Variants in ZNF880 observed in about 807,000 individuals in gnomAD.
ZNF880 encodes zinc finger protein LOC400713.
Under a neutral mutation model 11.8 loss-of-function variants are expected in ZNF880, and 12 were observed. The observed-to-expected ratio is 1.02, with a 90% CI of 0.65 to 1.65. The LOEUF (loss-of-function observed/expected upper bound fraction) is 1.65. ZNF880 is among the 40% of genes most tolerant of loss of function. The probability of loss-of-function intolerance (pLI) is 0.00; values close to 1 mark genes in which losing one functional copy is unlikely to be tolerated. For missense variants in ZNF880, 601 were observed against 673.9 expected (o/e 0.89, Z 1.20); for synonymous variants, 210 against 232.4 (o/e 0.90, Z 0.88).
chr19:52,389,145 T>C (rs1169338655), downstream of ZNF880: 1 of 152,080 alleles, frequency 6.6e-6, no homozygotes, highest in Non-Finnish European at 1.5e-5. Flanking sequence ...AGCCAAACCA[T>C]ATCATTTTGC....
At chr19:52,388,030 C>T (rs867822306), downstream of ZNF880, among the ~76,000 whole-genome samples, 65 of 139,174 alleles carry the variant, frequency 4.7e-4, 7 homozygotes, top group South Asian at 2.7e-3. Context: ...CAGGCGCGCA[C>T]CACCACGCCC....
chr19:52,387,055 A>T (rs1341119779), downstream of ZNF880, among the ~76,000 whole-genome samples: 1 of 144,712 alleles, frequency 6.9e-6, no homozygotes, highest in Non-Finnish European at 1.5e-5. Flanking sequence ...ACTGCACAGT[A>T]ATGCAACATT....
chr19:52,393,981 C>T, the ZNF880 span, among the ~76,000 whole-genome samples: 4 of 151,500 alleles, frequency 2.6e-5, no homozygotes, highest in Non-Finnish European at 5.9e-5. Flanking sequence ...GGACTACAGG[C>T]ACCCGCCACC....
chr19:52,380,770 A>G (rs62108320), intron 3 of ZNF880, among the ~76,000 whole-genome samples: 54,982 of 151,968 alleles, frequency 0.36, 10,225 homozygotes, highest in South Asian at 0.51. Flanking sequence ...TGCATCTCCT[A>G]GGTTCAAGTG....
At chr19:52,378,260 T>C (rs943476923) in intron 3 of ZNF880, among the ~76,000 whole-genome samples, 1 of 152,170 alleles carries the variant, frequency 6.6e-6, no homozygotes, top group Non-Finnish European at 1.5e-5. Flanking sequence ...ATTCTTCAGT[T>C]GTGCTTTGTC....
At chr19:52,375,992 C>T (rs1305225920) in intron 3 of ZNF880, among the ~76,000 whole-genome samples, 1 of 152,162 alleles carries the variant, frequency 6.6e-6, no homozygotes, top group East Asian at 1.9e-4. Flanking sequence ...GCTGCAAATG[C>T]CATTATTTCG....
At position 52,384,059 on chromosome 19, in the gene ZNF880, A is replaced by C; in HGVS notation, c.479A>C (p.Lys160Thr). The change falls in exon 4 of 4, where the codon AAA becomes ACA. Residue 160 changes from lysine to threonine, a missense_variant. Coordinates refer to ENST00000422689, the MANE Select transcript of ZNF880 (RefSeq NM_001145434.2). ...AGTGTCAAATCCCACATTTTAAATAAATACAGAAATGATTTTGATGATTCT... is the reference window on the plus strand; with the variant it reads ...AGTGTCAAATCCCACATTTTAAATACATACAGAAATGATTTTGATGATTCT... ...YSSVKSHILN[K>T]YRNDFDDSPF... is the part of the protein sequence containing the mutation. 1 of 1,566,728 alleles carries C rather than the reference A, an allele frequency of 6.4e-7. No homozygotes were observed.
chr19:52,380,828 C>A (rs542088518), intron 3 of ZNF880, among the ~76,000 whole-genome samples: 3 of 152,078 alleles, frequency 2.0e-5, no homozygotes, highest in Admixed American at 2.0e-4. Flanking sequence ...AGGCATGTAC[C>A]ACCATGCCTG....
At position 52,380,516 on chromosome 19, in the gene ZNF880, C is replaced by CTT. The variant is rs200252881; in HGVS notation, c.269-3329_269-3328dup. ...ATTCAATAATAATATTAAATGAAAT[C>CTT]TTTTTATTTGTATGAGTTACATATA... On this transcript the variant is annotated intron_variant, in intron 3 of 3. Coordinates refer to ENST00000422689, the MANE Select transcript of ZNF880 (RefSeq NM_001145434.2). Among the ~76,000 whole-genome samples, 654 of 127,506 alleles carry CTT rather than the reference C, an allele frequency of 5.1e-3. 10 individuals carry two copies. The East Asian group carries it at 0.073, about 14-fold the overall frequency. 83.6% of individuals were successfully genotyped at this position (127,506 alleles called of 152,430 possible). A position where few individuals can be genotyped will look rare whatever the true frequency, so the allele number is the denominator to read the frequency against.
downstream of ZNF880, among the ~76,000 whole-genome samples, chr19:52,387,834 CT>C (rs11479315): frequency 0.053 from 6,264 of 118,250 alleles, 1,219 homozygotes; most frequent in African/African-American, 0.19. Flanking sequence ...TAGTGCATGT[CT>C]TTTTTTTTTT....
chr19:52,375,791 C>T (rs1485892754), intron 3 of ZNF880, among the ~76,000 whole-genome samples: 4 of 152,140 alleles, frequency 2.6e-5, no homozygotes, highest in African/African-American at 9.7e-5. Context: ...CTTGCTCTGC[C>T]TGCCAAGTCA....
Position 52,385,489 on chromosome 19 carries a change from G to T in ZNF880, c.*175G>T. On this transcript the variant is annotated 3_prime_UTR_variant, in exon 4 of 4. Transcript: ENST00000422689. ...AAATCATAGCAATGTATGTGAATCA[G>T]GTCTCTTGAGGCCTGCCAAATGACT... 1 of 728,228 alleles carries T rather than the reference G, an allele frequency of 1.4e-6. No individual in the cohort carries two copies. Among genetic ancestry groups the T allele is most frequent in the Non-Finnish European group, 2.2e-6 (1 of 458,298 alleles). 45.1% of individuals were successfully genotyped at this position (728,228 alleles called of 1,614,324 possible). A position where few individuals can be genotyped will look rare whatever the true frequency, so the allele number is the denominator to read the frequency against.
chr19:52,376,141 T>C (rs1986544270), intron 3 of ZNF880, among the ~76,000 whole-genome samples: 1 of 152,208 alleles, frequency 6.6e-6, no homozygotes, highest in African/African-American at 2.4e-5. Context: ...TGGAAGTGTC[T>C]CTTTTGTATA....
At chr19:52,374,978 T>A (rs1316386772) in intron 3 of ZNF880, among the ~76,000 whole-genome samples, 1 of 151,986 alleles carries the variant, frequency 6.6e-6, no homozygotes, top group African/African-American at 2.4e-5. Context: ...CCTCAACTAT[T>A]CTTCCCACCT....
chr19:52,380,609 ACT>A (rs1986680573), intron 3 of ZNF880, among the ~76,000 whole-genome samples: 1 of 151,738 alleles, frequency 6.6e-6, no homozygotes, highest in African/African-American at 2.4e-5. Context: ...TTTCCTTTTG[ACT>A]CTGGCAATTG....
In ZNF880 at chr19:52,384,592, G is replaced by T. The variant is rs1216632988; in HGVS notation, c.1012G>T (p.Gly338Cys). 4 of 1,612,462 alleles carry T rather than the reference G, an allele frequency of 2.5e-6. No individual in the cohort carries two copies. In the South Asian group the frequency reaches 3.3e-5, roughly 13 times the overall value. ...ECGKAFSGGS[G>C]LTAHLVIHTG... ...TGGCAAAGCATTTTCAGGGGGTTCA[G>T]GCCTTACTGCTCATCTTGTAATTCA... The change falls in exon 4 of 4, where the codon GGC becomes TGC. Residue 338 changes from glycine to cysteine, a missense_variant. Coordinates refer to ENST00000422689, the MANE Select transcript of ZNF880 (RefSeq NM_001145434.2).
At chr19:52,387,125 A>G (rs866429209), downstream of ZNF880, among the ~76,000 whole-genome samples, 3 of 144,726 alleles carry the variant, frequency 2.1e-5, no homozygotes, top group African/African-American at 8.0e-5. Flanking sequence ...TGTAGCAGTG[A>G]TATGTGTCTA....
chr19:52,370,298 C>T (rs745731903), intron 1 of ZNF880: 14 of 384,092 alleles, frequency 3.6e-5, no homozygotes, highest in Non-Finnish European at 6.7e-5. Context: ...GGATCCACGT[C>T]TTTCCGGTCC....
rs751919066 is a variant in ZNF880 at position 52,384,165 on chromosome 19, G to A, written c.585G>A (p.Val195=). The change falls in exon 4 of 4, where the codon GTG becomes GTA. Residue 195 remains valine, a synonymous_variant. Transcript: ENST00000422689. The part of the protein sequence containing the change: ...ECNEHGKAFR[V]SSRLANNQVI... ...ATGAGCATGGCAAAGCCTTTAGAGT[G>A]TCTTCAAGACTTGCTAACAATCAAG... 3.1e-6 allele frequency: 5 copies of A among 1,608,630 alleles called. No homozygotes were observed. The highest frequency in any genetic ancestry group is 2.2e-5 in the South Asian group (2 of 90,538).
Sources: allele counts gnomAD v4.1 joint callset (sites outside exome capture counted in the v4.1 genomes callset), GRCh38; gene constraint gnomAD v4.1.1; transcripts MANE v1.5; gene names NCBI Gene and HGNC (gene_info 2026-07-23, HGNC 2026-07-21).